NUDT3: variants seen among roughly 807,000 people sequenced by gnomAD.
NUDT3 encodes the protein diphosphoinositol polyphosphate phosphohydrolase 1.
NUDT3 carries 9 observed loss-of-function variants against 23.6 expected under a neutral mutation model. The observed-to-expected ratio is 0.38, with a 90% CI of 0.23 to 0.66. The LOEUF is 0.66. Ranked by LOEUF, NUDT3 falls within the 30% of genes least tolerant of loss-of-function variation. NUDT3 has a pLI of 0.52. For missense variants in NUDT3, 172 were observed against 218.5 expected (o/e 0.79, Z 1.34); for synonymous variants, 86 against 82.6 (o/e 1.04, Z -0.22).
intron 2 of NUDT3, among the ~76,000 whole-genome samples, chr6:34,336,041 G>A (rs1394537814): frequency 2.0e-5 from 3 of 152,086 alleles, no homozygotes; most frequent in Non-Finnish European, 2.9e-5. Context: ...GGCCGAGGCG[G>A]GTGGACTGCC....
At chr6:34,338,351 C>T (rs1764240032) in intron 2 of NUDT3, among the ~76,000 whole-genome samples, 1 of 152,202 alleles carries the variant, frequency 6.6e-6, no homozygotes, top group South Asian at 2.1e-4. Context: ...AGACATTCTC[C>T]TAGGAGCCAG....
chr6:34,297,976 AT>A (rs1763541075), intron 2 of NUDT3, among the ~76,000 whole-genome samples: 2 of 151,302 alleles, frequency 1.3e-5, no homozygotes, highest in Non-Finnish European at 2.9e-5. Context: ...ACTATCCAAT[AT>A]TTTTTTCTTA....
Position 34,293,483 on chromosome 6 carries a change from A to T in NUDT3, c.308T>A (p.Val103Glu). The change falls in exon 4 of 5, where the codon GTG (valine) becomes GAG (glutamate). Residue 103 changes from valine to glutamate, a missense_variant. By Grantham distance (121) the Val-to-Glu change is moderately radical. Transcript: ENST00000607016. ...AACTGAATCTTCCCAGTCTTCCAGC[A>T]CTTCAGTGACAATGAGCACATAGAC... ...TYVYVLIVTE[V>E]LEDWEDSVNI... 2 of 1,614,202 alleles carry T rather than the reference A, an allele frequency of 1.2e-6. No homozygotes were observed. The highest frequency in any genetic ancestry group is 1.7e-6 in the Non-Finnish European group (2 of 1,180,036).
At chr6:34,344,313 G>A (rs1044666970) in intron 1 of NUDT3, among the ~76,000 whole-genome samples, 1 of 152,036 alleles carries the variant, frequency 6.6e-6, no homozygotes, top group African/African-American at 2.4e-5. Flanking sequence ...AAGAGTGAAT[G>A]AATAAACAAA....
Position 34,344,562 on chromosome 6 carries a change from G to T in NUDT3, c.100-2590C>A, listed in dbSNP as rs571305820. On this transcript the variant is annotated intron_variant, in intron 1 of 4. Coordinates refer to ENST00000607016, the MANE Select transcript of NUDT3 (RefSeq NM_006703.4). Reference sequence around the variant, plus strand: ...AACTGGGGGAAGGGGAAAATGAGCAGCAACTGCATAACAGGCACAGGGTTT... The same window carrying T: ...AACTGGGGGAAGGGGAAAATGAGCATCAACTGCATAACAGGCACAGGGTTT... Among the ~76,000 whole-genome samples, 107 of 152,316 alleles carry T rather than the reference G, an allele frequency of 7.0e-4. 1 individual carries two copies. Among genetic ancestry groups the T allele is most frequent in the African/African-American group, 2.6e-3 (107 of 41,580 alleles).
chr6:34,298,641 G>A (rs772849590), intron 2 of NUDT3, among the ~76,000 whole-genome samples: 2 of 61,668 alleles, frequency 3.2e-5, no homozygotes, highest in Non-Finnish European at 5.9e-5. Flanking sequence ...TAAAGAGATG[G>A]TGTCTATGTT....
intron 2 of NUDT3, among the ~76,000 whole-genome samples, chr6:34,339,867 C>T (rs1764262792): frequency 6.6e-6 from 1 of 152,146 alleles, no homozygotes; most frequent in Non-Finnish European, 1.5e-5. Context: ...AACATTTTAT[C>T]TTCTCTTATT....
rs1030992727 is a variant in NUDT3, at chr6:34,388,220, A to G, written c.99+4044T>C. 5.3e-5 allele frequency among the ~76,000 whole-genome samples: 8 copies of G among 152,304 alleles called. No individual in the cohort carries two copies. The East Asian group carries it at 1.5e-3, about 29-fold the overall frequency. On this transcript the variant is annotated intron_variant, in intron 1 of 4. Coordinates refer to ENST00000607016, the MANE Select transcript of NUDT3 (RefSeq NM_006703.4). ...TGTAAGTACATTCTATGATGTTTAC[A>G]CAACAACAAAATCACCTAATGATGC...
chr6:34,391,174 C>G (rs1435924880), intron 1 of NUDT3, among the ~76,000 whole-genome samples: 1 of 152,198 alleles, frequency 6.6e-6, no homozygotes, highest in Admixed American at 6.5e-5. Context: ...GCCACAGCTT[C>G]TTTTCATAAC....
intron 1 of NUDT3, among the ~76,000 whole-genome samples, chr6:34,350,367 T>C (rs114153591): frequency 0.011 from 1,727 of 150,980 alleles, 155 homozygotes; most frequent in African/African-American, 0.04. Context: ...GCTCTGCAAA[T>C]TGCATCTTCA....
chr6:34,350,319 G>C (rs1314197092), intron 1 of NUDT3, among the ~76,000 whole-genome samples: 1 of 150,622 alleles, frequency 6.6e-6, no homozygotes, highest in Non-Finnish European at 1.5e-5. Context: ...TGGTACCCCA[G>C]ATGGCACCAG....
At chr6:34,363,172 T>C (rs1362386691) in intron 1 of NUDT3, among the ~76,000 whole-genome samples, 1 of 152,208 alleles carries the variant, frequency 6.6e-6, no homozygotes, top group Non-Finnish European at 1.5e-5. Context: ...CAGACATTCA[T>C]AGCTGGTTTA....
intron 2 of NUDT3, among the ~76,000 whole-genome samples, chr6:34,299,911 A>T (rs752077078): frequency 0.099 from 14,872 of 150,724 alleles, 832 homozygotes; most frequent in Non-Finnish European, 0.12. Flanking sequence ...AAAAAAAAAA[A>T]AAATATTTTT....
intron 2 of NUDT3, among the ~76,000 whole-genome samples, chr6:34,328,919 C>T (rs1267762659): frequency 1.3e-5 from 2 of 152,182 alleles, no homozygotes; most frequent in Non-Finnish European, 2.9e-5. Flanking sequence ...TGATAGCCTA[C>T]ACTCCACTTT....
intron 2 of NUDT3, among the ~76,000 whole-genome samples, chr6:34,304,251 CAAAA>C (rs60576919): frequency 1.5e-4 from 12 of 81,194 alleles, no homozygotes; most frequent in East Asian, 4.7e-4. Flanking sequence ...AACTCTGTCT[CAAAA>C]AAAAAAAAAA....
chr6:34,307,995 C>T (rs1487200307), intron 2 of NUDT3, among the ~76,000 whole-genome samples: 1 of 151,510 alleles, frequency 6.6e-6, no homozygotes, highest in Admixed American at 6.6e-5. Flanking sequence ...GTGGCACATG[C>T]CTGTAATCCC....
chr6:34,299,807 G>T (rs1196150523), intron 2 of NUDT3, among the ~76,000 whole-genome samples: 2 of 151,436 alleles, frequency 1.3e-5, no homozygotes, highest in Non-Finnish European at 2.9e-5. Flanking sequence ...GGTGGGTGAG[G>T]CAGGAGAATC....
chr6:34,342,004 T>C (rs890574095), intron 1 of NUDT3, 32 bp from the exon 2 acceptor site: 4 of 1,592,190 alleles, frequency 2.5e-6, no homozygotes, highest in Non-Finnish European at 3.4e-6. Flanking sequence ...ATGGGGGGGT[T>C]AAAAATTCAA....
intron 2 of NUDT3, among the ~76,000 whole-genome samples, chr6:34,334,315 G>A (rs1364127032): frequency 1.3e-5 from 2 of 152,202 alleles, no homozygotes; most frequent in African/African-American, 4.8e-5. Context: ...CTTGAGATAT[G>A]TGTTGAGCAC....
Sources: gnomAD v4.1 joint callset for allele counts (sites outside exome capture counted in the v4.1 genomes callset) on GRCh38, gnomAD v4.1.1 for gene constraint, MANE v1.5 for transcripts, NCBI Gene and HGNC (gene_info 2026-07-23, HGNC 2026-07-21) for gene names.